The following FAIM2 variants were observed in gnomAD, a reference collection of about 807,000 sequenced individuals.
FAIM2 encodes Fas apoptotic inhibitory molecule 2.
In FAIM2, 27 loss-of-function variants were observed where a neutral mutation model predicts 47.4. The ratio of observed to expected loss-of-function variants is 0.57; its 90% CI spans 0.42 to 0.78. FAIM2 has a LOEUF of 0.78. Among genes scored for constraint, FAIM2 ranks in the 30% least tolerant of loss-of-function variants. FAIM2 has a pLI of 0.00. For synonymous variants in FAIM2, 156 were observed against 159.3 expected, an observed-to-expected ratio of 0.98 and a Z score of 0.16; for missense variants, 311 against 389.4, an observed-to-expected ratio of 0.80 and a Z score of 1.69.
At chr12:49,894,391 C>T (rs941616418) in intron 5 of FAIM2, among the ~76,000 whole-genome samples, 5 of 152,140 alleles carry the variant, frequency 3.3e-5, no homozygotes, top group African/African-American at 9.7e-5. Context: ...ACCGCAGACA[C>T]GGTGGCTCAG....
intron 11 of FAIM2, among the ~76,000 whole-genome samples, chr12:49,878,333 C>T (rs1946757922): frequency 1.8e-5 from 2 of 110,920 alleles, no homozygotes; most frequent in African/African-American, 3.5e-5. Context: ...TATTTGTGTG[C>T]ATGTGAGTGT....
chr12:49,882,297 G>A (rs1946831680), intron 11 of FAIM2, among the ~76,000 whole-genome samples: 1 of 152,172 alleles, frequency 6.6e-6, no homozygotes, highest in Non-Finnish European at 1.5e-5. Context: ...CTGGAGCTAG[G>A]GGACCACAGA....
At chr12:49,880,214 GTGTA>G (rs1946802636) in intron 11 of FAIM2, among the ~76,000 whole-genome samples, 1 of 151,644 alleles carries the variant, frequency 6.6e-6, no homozygotes, top group Non-Finnish European at 1.5e-5. Flanking sequence ...GTGTGCATGT[GTGTA>G]TATGTGCATG....
intron 10 of FAIM2, among the ~76,000 whole-genome samples, chr12:49,887,937 G>A (rs897421433): frequency 6.6e-6 from 1 of 152,162 alleles, no homozygotes; most frequent in Non-Finnish European, 1.5e-5. Flanking sequence ...TCTGCCAGCT[G>A]TGCATGGTGG....
rs368378213 is a variant in FAIM2, at chr12:49,903,484, G to A, written c.15+294C>T. On this transcript the variant is annotated intron_variant, in intron 1 of 11. Transcript: ENST00000320634. ...ACACATACAGTCACACCAGACGCCC[G>A]GGCTGACTCCTCACGGGGGGCCTGG... 1.6e-3 allele frequency among the ~76,000 whole-genome samples: 243 copies of A among 152,336 alleles called. 2 individuals carry two copies. The highest frequency in any genetic ancestry group is 5.1e-3 in the African/African-American group (212 of 41,584).
At chr12:49,885,524 C>T (rs970119634) in intron 11 of FAIM2, among the ~76,000 whole-genome samples, 6 of 152,160 alleles carry the variant, frequency 3.9e-5, no homozygotes, top group Admixed American at 1.3e-4. Context: ...GAGCATGGTG[C>T]GGGGTCTGAG....
At chr12:49,890,972 G>A (rs1946895949) in intron 6 of FAIM2, 92 bp downstream of exon 6, 2 of 1,304,892 alleles carry the variant, frequency 1.5e-6, no homozygotes, top group Non-Finnish European at 2.2e-6. Context: ...TCTCAGGGCT[G>A]CACAGCTCAC....
At position 49,878,807 on chromosome 12, in the gene FAIM2, CATGTGAAT is replaced by C. The variant is rs1565613559; in HGVS notation, c.802-8162_802-8155del. Among the ~76,000 whole-genome samples the C allele has an allele frequency of 4.9e-3, 141 of 28,906 alleles. 1 individual carries two copies. Among genetic ancestry groups the C allele is most frequent in the African/African-American group, 8.7e-3 (40 of 4,598 alleles). 19.0% of individuals were successfully genotyped at this position (28,906 alleles called of 152,430 possible). ...ATGTGTGCCTGTGTGTATATGTGTG[CATGTGAAT>C]GTGTGTATATGTGAGTGTATGTGTG... On this transcript the variant is annotated intron_variant, in intron 11 of 11. Transcript: ENST00000320634.
At chr12:49,889,032 G>A in intron 10 of FAIM2, 75 bp downstream of exon 10, 1 of 1,084,740 alleles carries the variant, frequency 9.2e-7, no homozygotes, top group Non-Finnish European at 1.4e-6. Context: ...CTGGCGGATA[G>A]GGGAGGGAAC....
At chr12:49,882,646 CT>C (rs1418963576) in intron 11 of FAIM2, among the ~76,000 whole-genome samples, 1 of 152,214 alleles carries the variant, frequency 6.6e-6, no homozygotes, top group Admixed American at 6.5e-5. Context: ...TCCCCCTCCC[CT>C]GTGACTCACA....
In FAIM2 at chr12:49,890,893, C is replaced by T. The variant is rs553883300; in HGVS notation, c.485+171G>A. Among the ~76,000 whole-genome samples, 32 of 152,268 alleles carry T rather than the reference C, an allele frequency of 2.1e-4. No homozygotes were observed. In the South Asian group the frequency reaches 6.4e-3, roughly 31 times the overall value. ...CCCTTCTCCATTCCCCTTCTCCCTA[C>T]CTCAGAGGCACCAGGTAAAGGAGGG... On this transcript the variant is annotated intron_variant, in intron 6 of 11. Coordinates refer to ENST00000320634, the MANE Select transcript of FAIM2 (RefSeq NM_012306.4).
At position 49,874,910 on chromosome 12, in the gene FAIM2, C is replaced by T. The variant is rs889564907; in HGVS notation, c.802-4257G>A. Among the ~76,000 whole-genome samples the T allele has an allele frequency of 8.5e-5, 13 of 152,092 alleles. No individual in the cohort carries two copies. The highest frequency in any genetic ancestry group is 3.9e-4 in the East Asian group (2 of 5,194). On this transcript the variant is annotated intron_variant, in intron 11 of 11. Coordinates refer to ENST00000320634, the MANE Select transcript of FAIM2 (RefSeq NM_012306.4). This position sits in a 1 kb window ranked among gnomAD's most constrained non-coding sequence, Gnocchi z 4.2. ...CTGAGGTGGAAACATCTGTGACAGA[C>T]GCTACTGTGAGAAAAAAGCAAGTTG...
intron 2 of FAIM2, among the ~76,000 whole-genome samples, chr12:49,899,067 C>T (rs556607186): frequency 1.3e-5 from 2 of 152,260 alleles, no homozygotes; most frequent in East Asian, 1.9e-4. Flanking sequence ...GTGGATCCCT[C>T]CCCTAGAACT....
chr12:49,903,678 C>T (rs1187344469), intron 1 of FAIM2, 100 bp downstream of exon 1: 21 of 1,450,236 alleles, frequency 1.4e-5, no homozygotes, highest in Non-Finnish European at 1.8e-5. Context: ...AAACTAGGGC[C>T]AGGGGAGGAT....
chr12:49,878,001 C>G (rs1423281546), intron 11 of FAIM2, among the ~76,000 whole-genome samples: 1 of 145,456 alleles, frequency 6.9e-6, no homozygotes, highest in Non-Finnish European at 1.5e-5. Flanking sequence ...TGTATGTGTG[C>G]ATGTGCATGT....
At chr12:49,877,861 T>A (rs1368374825) in intron 11 of FAIM2, among the ~76,000 whole-genome samples, 2 of 151,864 alleles carry the variant, frequency 1.3e-5, no homozygotes, top group East Asian at 3.9e-4. Flanking sequence ...TGTGCATGTG[T>A]GTGTGAGTGT....
intron 5 of FAIM2, among the ~76,000 whole-genome samples, chr12:49,892,634 C>G (rs1264664028): frequency 2.0e-5 from 3 of 152,122 alleles, no homozygotes; most frequent in African/African-American, 7.2e-5. Flanking sequence ...CTCACCACTC[C>G]TCGGTCCCTC....
intron 11 of FAIM2, among the ~76,000 whole-genome samples, chr12:49,884,246 C>CAG (rs1226385601): frequency 1.1e-4 from 17 of 148,002 alleles, no homozygotes; most frequent in African/African-American, 4.0e-4. Context: ...AAACAAAAAA[C>CAG]AGAGAGAGAG....
At chr12:49,891,150 C>T in intron 5 of FAIM2, 36 bp from the exon 6 acceptor site, 1 of 1,601,736 alleles carries the variant, frequency 6.2e-7, no homozygotes, top group Non-Finnish European at 8.6e-7. Flanking sequence ...GTCAGCCAGC[C>T]TCTCCTGGGT....
Sources: allele counts gnomAD v4.1 joint callset (sites outside exome capture counted in the v4.1 genomes callset), GRCh38; gene constraint gnomAD v4.1.1; non-coding constraint Gnocchi (gnomAD v3.1); transcripts MANE v1.5; gene names NCBI Gene and HGNC (gene_info 2026-07-23, HGNC 2026-07-21).